Variants in KIF26B observed in about 807,000 individuals in gnomAD.
The protein encoded by KIF26B is kinesin-like protein KIF26B.
A neutral mutation model predicts 151.2 loss-of-function variants in KIF26B; 63 were observed. The ratio of observed to expected loss-of-function variants is 0.42; its 90% CI spans 0.34 to 0.51. The LOEUF (loss-of-function observed/expected upper bound fraction) is 0.51. Ranked by LOEUF, KIF26B falls within the 20% of genes least tolerant of loss-of-function variation. The pLI is 0.07. For synonymous variants in KIF26B, 1,357 were observed against 1,262.1 expected, an observed-to-expected ratio of 1.08 and a Z score of -1.59; for missense variants, 2,813 against 2,913.6, an observed-to-expected ratio of 0.97 and a Z score of 0.79.
At chr1:245,629,152 C>T (rs10924264) in intron 9 of KIF26B, among the ~76,000 whole-genome samples, 11,992 of 152,186 alleles carry the variant, frequency 0.079, 596 homozygotes, top group Admixed American at 0.16. Context: ...GAATCAATAT[C>T]GTGAAAATGG....
intron 3 of KIF26B, among the ~76,000 whole-genome samples, chr1:245,413,857 G>A (rs1558156411): frequency 6.6e-6 from 1 of 152,138 alleles, no homozygotes; most frequent in Non-Finnish European, 1.5e-5. Context: ...CTGCACAGAA[G>A]CCACCTCAGC....
chr1:245,322,130 C>T (rs1307106352), intron 2 of KIF26B, among the ~76,000 whole-genome samples: 1 of 152,122 alleles, frequency 6.6e-6, no homozygotes, highest in East Asian at 1.9e-4. Context: ...AACAAAAAAA[C>T]CAAACACCGC....
chr1:245,185,249 C>T (rs1231588434), intron 2 of KIF26B, among the ~76,000 whole-genome samples: 1 of 151,988 alleles, frequency 6.6e-6, no homozygotes, highest in East Asian at 1.9e-4. Flanking sequence ...AGCGATTCTC[C>T]TGCCTCAGCC....
intron 2 of KIF26B, among the ~76,000 whole-genome samples, chr1:245,159,091 A>T (rs1007553116): frequency 1.3e-5 from 2 of 152,198 alleles, no homozygotes; most frequent in African/African-American, 4.8e-5. Flanking sequence ...TTTCATTAGA[A>T]CAAGAGGTGT....
At chr1:245,608,424 TTCTCAGCCAGGACAGA>T (rs1228210172) in intron 7 of KIF26B, among the ~76,000 whole-genome samples, 1 of 152,210 alleles carries the variant, frequency 6.6e-6, no homozygotes, top group Middle Eastern at 3.2e-3. Flanking sequence ...CAGAGGCCAG[TTCTCAGCCAGGACAGA>T]AAGCCATTGC....
In KIF26B at chr1:245,338,634, CAT is replaced by C. The variant is rs1283280435; in HGVS notation, c.466-28198_466-28197del. On this transcript the variant is annotated intron_variant, in intron 2 of 14. Transcript: ENST00000407071. ...TAAGTGTGAGCACCACATTCTCAGA[CAT>C]AGCTCTAGAAGAGAGTTTCTAAGAA... 2.6e-5 allele frequency among the ~76,000 whole-genome samples: 4 copies of C among 152,354 alleles called. No homozygotes were observed. The South Asian group carries it at 8.3e-4, about 32-fold the overall frequency.
chr1:245,500,960 T>C (rs1359892357), intron 4 of KIF26B, among the ~76,000 whole-genome samples: 1 of 152,224 alleles, frequency 6.6e-6, no homozygotes, highest in Non-Finnish European at 1.5e-5. Flanking sequence ...CAAAGAGGAA[T>C]CTTTTCATGC....
chr1:245,203,064 A>G (rs1285190040), intron 2 of KIF26B, among the ~76,000 whole-genome samples: 1 of 151,682 alleles, frequency 6.6e-6, no homozygotes, highest in Non-Finnish European at 1.5e-5. Context: ...ACCAGCCTGG[A>G]CAACATTTTT....
intron 4 of KIF26B, among the ~76,000 whole-genome samples, chr1:245,431,805 T>G (rs1423676598): frequency 6.6e-6 from 1 of 152,202 alleles, no homozygotes; most frequent in Non-Finnish European, 1.5e-5. Context: ...GCTTCTAATT[T>G]TGTTAGTTAC....
At chr1:245,673,625 A>T (rs944789205) in intron 10 of KIF26B, 1 of 152,282 alleles carries the variant, frequency 6.6e-6, no homozygotes, top group Non-Finnish European at 1.5e-5. Context: ...GAGATCGTAG[A>T]TTGAATTACA....
At chr1:245,664,767 CATT>C (rs2044195194) in intron 10 of KIF26B, among the ~76,000 whole-genome samples, 1 of 152,130 alleles carries the variant, frequency 6.6e-6, no homozygotes, top group Non-Finnish European at 1.5e-5. Flanking sequence ...GTATTTTAAT[CATT>C]GTCTTCACTA....
chr1:245,462,333 C>A (rs749777664), intron 4 of KIF26B, among the ~76,000 whole-genome samples: 3 of 152,104 alleles, frequency 2.0e-5, no homozygotes, highest in Non-Finnish European at 4.4e-5. Context: ...GGAAAGAATG[C>A]CGCCATTACA....
intron 4 of KIF26B, among the ~76,000 whole-genome samples, chr1:245,463,072 C>T (rs991160460): frequency 6.6e-6 from 1 of 152,198 alleles, no homozygotes; most frequent in African/African-American, 2.4e-5. Flanking sequence ...TCCACCCACA[C>T]TTTCTCAACG....
rs772238580 is a variant in KIF26B at position 245,685,597 on chromosome 1, G to A, written c.2614G>A (p.Gly872Ser). 6.8e-6 allele frequency: 11 copies of A among 1,613,768 alleles called. No individual in the cohort carries two copies. Among genetic ancestry groups the A allele is most frequent in the East Asian group, 4.5e-5 (2 of 44,876 alleles). ...CACCGTCATCTACATCGGGCCCAAC[G>A]GCACGGCCCTCTCTGACAAGGAGCT... is the stretch of plus-strand genomic sequence containing the variant. ...CDTVIYIGPNGTALSDKELTD... is the reference protein window; with the variant it reads ...CDTVIYIGPNSTALSDKELTD... The change falls in exon 12 of 15, where the codon GGC becomes AGC. Residue 872 changes from glycine to serine, a missense_variant. Gly to Ser is a moderately conservative substitution (Grantham distance 56). This residue lies in a region of KIF26B where 2,060 missense variants were observed against 2,088.6 expected (regional missense o/e 0.99). Coordinates refer to ENST00000407071, the MANE Select transcript of KIF26B (RefSeq NM_018012.4).
intron 3 of KIF26B, among the ~76,000 whole-genome samples, chr1:245,372,599 T>A (rs566599814): frequency 6.6e-6 from 1 of 152,310 alleles, no homozygotes; most frequent in African/African-American, 2.4e-5. Flanking sequence ...TTTGACCACA[T>A]GAAATTGTGA....
At chr1:245,487,619 A>C (rs1660310145) in intron 4 of KIF26B, among the ~76,000 whole-genome samples, 1 of 151,982 alleles carries the variant, frequency 6.6e-6, no homozygotes, top group African/African-American at 2.4e-5. Flanking sequence ...TCTTCTTTTG[A>C]GACAGGGTCT....
intron 9 of KIF26B, among the ~76,000 whole-genome samples, chr1:245,642,562 GAAAAAAAAA>G (rs34401122): frequency 3.8e-4 from 28 of 73,034 alleles, no homozygotes; most frequent in African/African-American, 9.7e-4. Flanking sequence ...CTCCGTCTCA[GAAAAAAAAA>G]AAAAAAAAAA....
chr1:245,252,613 C>T (rs377687693), intron 2 of KIF26B, among the ~76,000 whole-genome samples: 1 of 152,004 alleles, frequency 6.6e-6, no homozygotes, highest in Admixed American at 6.6e-5. Context: ...TGTAGATTAT[C>T]ATGTCTGCAA....
rs1438487481 is a variant in KIF26B, at chr1:245,463,688, T to C, written c.1166+43943T>C. ...TGCTGTCCTGTGGTGCAGCTGCTGTTTGTCCATCTCCAGGGCCACCAAAGC... is the reference window on the plus strand; with the variant it reads ...TGCTGTCCTGTGGTGCAGCTGCTGTCTGTCCATCTCCAGGGCCACCAAAGC... On this transcript the variant is annotated intron_variant, in intron 4 of 14. Transcript: ENST00000407071. Among the ~76,000 whole-genome samples, 4 of 152,198 alleles carry C rather than the reference T, an allele frequency of 2.6e-5. No individual in the cohort carries two copies. In the East Asian group the frequency reaches 7.7e-4, roughly 29 times the overall value.
Sources: gnomAD v4.1 joint callset for allele counts (sites outside exome capture counted in the v4.1 genomes callset) on GRCh38, gnomAD v4.1.1 for gene constraint, gnomAD v4.1.1 regional missense constraint, MANE v1.5 for transcripts, NCBI Gene and HGNC (gene_info 2026-07-23, HGNC 2026-07-21) for gene names.